The following ZNF831 variants were observed in gnomAD, a reference collection of about 807,000 sequenced individuals.
The protein encoded by ZNF831 is zinc finger protein 831, also known as chromosome 20 open reading frame 174.
A neutral mutation model predicts 95.8 loss-of-function variants in ZNF831; 59 were observed. The observed-to-expected ratio is 0.62, with a 90% confidence interval of 0.50 to 0.77. The LOEUF (loss-of-function observed/expected upper bound fraction) is 0.77, where lower values mean the gene tolerates loss of function less well. ZNF831 is among the 30% of genes least tolerant of loss of function. ZNF831 has a pLI of 0.00. For missense variants in ZNF831, 2,205 were observed against 2,164.0 expected (o/e 1.02, Z -0.38); for synonymous variants, 961 against 925.5 (o/e 1.04, Z -0.70).
chr20:59,244,100 A>C (rs1210806320), intron 4 of ZNF831, among the ~76,000 whole-genome samples: 5 of 152,222 alleles, frequency 3.3e-5, no homozygotes, highest in Non-Finnish European at 5.9e-5. Context: ...GAAAATGGTA[A>C]GTGAAGTGTT....
intron 1 of ZNF831, among the ~76,000 whole-genome samples, chr20:59,168,496 A>G (rs1270941381): frequency 1.0e-5 from 1 of 98,750 alleles, no homozygotes; most frequent in Non-Finnish European, 1.9e-5. Flanking sequence ...GAGAATTTGT[A>G]TGTAGACAAT....
At position 59,169,319 on chromosome 20, in the gene ZNF831, C is replaced by A. The variant is rs1208701187; in HGVS notation, c.-37+5112C>A. Among the ~76,000 whole-genome samples, 2 of 152,178 alleles carry A rather than the reference C, an allele frequency of 1.3e-5. No homozygotes were observed. Among genetic ancestry groups the A allele is most frequent in the African/African-American group, 4.8e-5 (2 of 41,434 alleles). On this transcript the variant is annotated intron_variant, in intron 1 of 5. Transcript: ENST00000371030. The surrounding 1 kb of genome is among the most constrained non-coding windows in gnomAD (Gnocchi z 4.1). ...AGGAATTGGTCCACTTCATCTAAGT[C>A]ATCAAATTTATGTGAGCTGAGTTAT...
chr20:59,228,071 A>G (rs1048071784), intron 4 of ZNF831, among the ~76,000 whole-genome samples: 8 of 152,198 alleles, frequency 5.3e-5, no homozygotes, highest in African/African-American at 1.7e-4. Context: ...TAACATATGC[A>G]TGTTATATAT....
At chr20:59,201,915 G>T (rs1358892502) in intron 3 of ZNF831, among the ~76,000 whole-genome samples, 1 of 152,166 alleles carries the variant, frequency 6.6e-6, no homozygotes, top group African/African-American at 2.4e-5. Flanking sequence ...CAGGCTCAAA[G>T]GAAATTCAGC....
intron 1 of ZNF831, among the ~76,000 whole-genome samples, chr20:59,168,322 C>T (rs1413589808): frequency 7.9e-5 from 12 of 152,154 alleles, no homozygotes; most frequent in Admixed American, 7.9e-4. Flanking sequence ...ATTAGATTTA[C>T]AACTACATAT....
intron 4 of ZNF831, among the ~76,000 whole-genome samples, chr20:59,252,729 A>G (rs1487755922): frequency 5.9e-5 from 9 of 152,200 alleles, no homozygotes; most frequent in Admixed American, 5.9e-4. Flanking sequence ...ATATTTTATG[A>G]TATGTATCAT....
chr20:59,195,692 G>A, intron 2 of ZNF831, 177 bp from the exon 3 acceptor site: 1 of 889,376 alleles, frequency 1.1e-6, no homozygotes, highest in Non-Finnish European at 1.3e-6. Flanking sequence ...GTTCTGTCCA[G>A]GAACGCTCTG....
chr20:59,215,134 G>A (rs865897489), intron 4 of ZNF831, among the ~76,000 whole-genome samples: 6 of 152,182 alleles, frequency 3.9e-5, no homozygotes, highest in South Asian at 2.1e-4. Flanking sequence ...AAAACATTCC[G>A]TGGTATAAAG....
chr20:59,148,422 C>T (rs1295899213), intron 2 of ZNF831, among the ~76,000 whole-genome samples: 3 of 148,074 alleles, frequency 2.0e-5, no homozygotes, highest in African/African-American at 7.6e-5. Flanking sequence ...TGGCTCACGC[C>T]TGTAATCCCA....
In ZNF831 at chr20:59,191,096, C is replaced by T. The variant is rs774065552; in HGVS notation, c.77C>T (p.Ala26Val). Residue 26 changes from alanine to valine, a missense_variant, in exon 2 of 6, where the codon GCC becomes GTC. Coordinates refer to ENST00000371030, the MANE Select transcript of ZNF831 (RefSeq NM_178457.3). ...GCTCCCACTCCTGGCCCTCCAGGGGCCCCAGGTGGCCAGGCCTCACCTCAC... is the reference window on the plus strand; with the variant it reads ...GCTCCCACTCCTGGCCCTCCAGGGGTCCCAGGTGGCCAGGCCTCACCTCAC... Reference protein sequence around the residue: ...QPAPTPGPPGAPGGQASPHLT... With the variant: ...QPAPTPGPPGVPGGQASPHLT... 1.0e-5 allele frequency: 16 copies of T among 1,556,454 alleles called. No homozygotes were observed. The highest frequency in any genetic ancestry group is 5.8e-5 in the Admixed American group (3 of 51,374).
intron 1 of ZNF831, among the ~76,000 whole-genome samples, chr20:59,127,810 G>T (rs1340972014): frequency 6.6e-6 from 1 of 152,206 alleles, no homozygotes; most frequent in Admixed American, 6.5e-5. Flanking sequence ...ATGCCTGCCC[G>T]TGGAACTTTT....
intron 4 of ZNF831, among the ~76,000 whole-genome samples, chr20:59,212,176 GGAGA>G (rs1601405200): frequency 6.6e-6 from 1 of 152,054 alleles, no homozygotes; most frequent in African/African-American, 2.4e-5. Context: ...GGAGGATGAT[GGAGA>G]GAGAGTTTTT....
In ZNF831 at chr20:59,192,629, C is replaced by T. The variant is rs1349746615; in HGVS notation, c.1610C>T (p.Pro537Leu). ...ACGCAGAAGCCTCTGAGCCCCAGGC[C>T]CGGCCCAGCCCGCCTGGGCTGCCGC... ...SRTQKPLSPR[P>L]GPARLGCRSG... Residue 537 changes from proline to leucine, a missense_variant, in exon 2 of 6, where the codon CCC becomes CTC. By Grantham distance (98) the Pro-to-Leu change is moderately conservative. Transcript: ENST00000371030. This position sits in a 1 kb window ranked among gnomAD's most constrained non-coding sequence, Gnocchi z 5.2. The T allele has an allele frequency of 6.7e-7, 1 of 1,498,002 alleles. No individual in the cohort carries two copies. Among genetic ancestry groups the T allele is most frequent in the Non-Finnish European group, 8.9e-7 (1 of 1,126,290 alleles). The allele number at this position is 1,498,002 out of a possible 1,614,324, so 92.8% of individuals were successfully genotyped here.
intron 4 of ZNF831, among the ~76,000 whole-genome samples, chr20:59,223,524 G>C (rs1010238450): frequency 2.0e-5 from 3 of 152,234 alleles, no homozygotes. Context: ...AGCGGCTACG[G>C]GAACGGGCCT....
intron 4 of ZNF831, among the ~76,000 whole-genome samples, chr20:59,211,843 G>A (rs1985357775): frequency 6.6e-6 from 1 of 151,896 alleles, no homozygotes; most frequent in Admixed American, 6.6e-5. Context: ...TTTTCTTTCT[G>A]AGGAGAGATG....
intron 4 of ZNF831, among the ~76,000 whole-genome samples, chr20:59,243,164 C>T (rs1987422846): frequency 6.6e-6 from 1 of 152,142 alleles, no homozygotes; most frequent in Non-Finnish European, 1.5e-5. Context: ...GGAATCTTTT[C>T]TTTTGAATTC....
chr20:59,126,850 C>T (rs1228767295), intron 1 of ZNF831, among the ~76,000 whole-genome samples: 1 of 152,166 alleles, frequency 6.6e-6, no homozygotes, highest in African/African-American at 2.4e-5. Context: ...GTCTTTGTGG[C>T]TTCTCCTCTT....
intron 1 of ZNF831, among the ~76,000 whole-genome samples, chr20:59,144,093 A>T (rs191561192): frequency 1.1e-3 from 167 of 152,204 alleles, no homozygotes; most frequent in African/African-American, 3.1e-3. Flanking sequence ...TCTTTTTTTT[A>T]AAATCATGTA....
chr20:59,147,623 C>G (rs1351221412), intron 2 of ZNF831, among the ~76,000 whole-genome samples: 6 of 152,256 alleles, frequency 3.9e-5, no homozygotes, highest in Admixed American at 6.5e-5. Flanking sequence ...GAGGGCAGCT[C>G]TCCTACCACA....
Sources: gnomAD v4.1 joint callset for allele counts (sites outside exome capture counted in the v4.1 genomes callset) on GRCh38, gnomAD v4.1.1 for gene constraint, Gnocchi (gnomAD v3.1) non-coding constraint, MANE v1.5 for transcripts, NCBI Gene and HGNC (gene_info 2026-07-23, HGNC 2026-07-21) for gene names.